The following ARFGEF2 variants were observed in gnomAD, a reference collection of about 807,000 sequenced individuals.
ARFGEF2 encodes the protein brefeldin A-inhibited guanine nucleotide-exchange protein 2.
In ARFGEF2, 74 loss-of-function variants were observed where a neutral mutation model predicts 219.9. The observed-to-expected ratio is 0.34, with a 90% confidence interval of 0.28 to 0.41. The LOEUF (loss-of-function observed/expected upper bound fraction) is 0.41. ARFGEF2 is among the 10% of genes least tolerant of loss of function. The pLI, the probability that ARFGEF2 is intolerant of heterozygous loss-of-function variation, is 1.00. For missense variants in ARFGEF2, 1,743 were observed against 2,218.3 expected (o/e 0.79, Z 4.30); for synonymous variants, 733 against 799.2 (o/e 0.92, Z 1.40).
chr20:49,013,428 GT>G, intron 28 of ARFGEF2, 135 bp from the exon 29 acceptor site: 1 of 1,080,420 alleles, frequency 9.3e-7, no homozygotes, highest in Non-Finnish European at 1.4e-6. Flanking sequence ...TGTGTAGTCT[GT>G]TCCCACTGTA....
chr20:48,989,113 C>T (rs1010939901), intron 18 of ARFGEF2, among the ~76,000 whole-genome samples, 172 bp from the exon 19 acceptor site: 1 of 152,150 alleles, frequency 6.6e-6, no homozygotes, highest in African/African-American at 2.4e-5. Context: ...GACTTACCCC[C>T]TCTGCCTCAT....
chr20:49,006,342 C>T (rs971521332), intron 26 of ARFGEF2, among the ~76,000 whole-genome samples: 1 of 151,992 alleles, frequency 6.6e-6, no homozygotes, highest in Non-Finnish European at 1.5e-5. Context: ...TGTTTTCATT[C>T]AGCCTTAAAT....
Position 48,969,177 on chromosome 20 carries a change from G to C in ARFGEF2, c.1090G>C (p.Ala364Pro). 2 of 1,614,166 alleles carry C rather than the reference G, an allele frequency of 1.2e-6. No homozygotes were observed. The highest frequency in any genetic ancestry group is 1.7e-6 in the Non-Finnish European group (2 of 1,180,016). The change falls in exon 9 of 39, where the codon GCC (alanine) becomes CCC (proline). Residue 364 changes from alanine to proline, a missense_variant. By Grantham distance (27) the Ala-to-Pro change is conservative. Around this residue, in one of 5 missense-constraint regions of ARFGEF2, gnomAD observed 666 missense variants for 955.4 expected, o/e 0.70. Coordinates refer to ENST00000371917, the MANE Select transcript of ARFGEF2 (RefSeq NM_006420.3). ...ESDAQGHQVA[A>P]RFSHVLQKDA... ...GGATGCACAAGGACATCAAGTGGCTGCCAGGTTCTCCCACGTTCTGCAGAA... is the reference window on the plus strand; with the variant it reads ...GGATGCACAAGGACATCAAGTGGCTCCCAGGTTCTCCCACGTTCTGCAGAA...
intron 1 of ARFGEF2, among the ~76,000 whole-genome samples, chr20:48,935,749 A>G (rs1346722135): frequency 7.2e-5 from 10 of 138,670 alleles, no homozygotes; most frequent in South Asian, 2.4e-4. Flanking sequence ...CCTCCCGGAC[A>G]GGGCGGCTGG....
At chr20:48,984,224 G>A (rs1568721054) in intron 14 of ARFGEF2, among the ~76,000 whole-genome samples, 1 of 152,130 alleles carries the variant, frequency 6.6e-6, no homozygotes, top group Non-Finnish European at 1.5e-5. Flanking sequence ...AGAGAGGGTG[G>A]CCTCATGGTA....
intron 14 of ARFGEF2, among the ~76,000 whole-genome samples, chr20:48,983,330 A>G (rs770151857): frequency 6.6e-6 from 1 of 152,156 alleles, no homozygotes; most frequent in Non-Finnish European, 1.5e-5. Context: ...ATACACAATC[A>G]TATATTCCAA....
chr20:48,928,262 G>T (rs1373591633), intron 1 of ARFGEF2, among the ~76,000 whole-genome samples: 1 of 139,796 alleles, frequency 7.2e-6, no homozygotes, highest in South Asian at 2.4e-4. Flanking sequence ...GCAGTGGCGC[G>T]ATCTCGGCTC....
rs540246597 is a variant in ARFGEF2, at chr20:49,028,628, C to T, written c.5023C>T (p.Arg1675Cys). ...ILFRMYVDEN[R>C]RDSWEEIQQR... ...GTTTCGAATGTATGTTGATGAGAAC[C>T]GCAGGGATTCCTGGGAAGAAATACA... The change falls in exon 37 of 39, where the codon CGC (arginine) becomes TGC (cysteine). Residue 1675 changes from arginine to cysteine, a missense_variant. Coordinates refer to ENST00000371917, the MANE Select transcript of ARFGEF2 (RefSeq NM_006420.3). The T allele has an allele frequency of 5.6e-6, 9 of 1,614,058 alleles. No individual in the cohort carries two copies. Among genetic ancestry groups the T allele is most frequent in the East Asian group, 4.5e-5 (2 of 44,882 alleles).
rs1199443037 is a variant in ARFGEF2 at position 48,973,241 on chromosome 20, C to T, written c.1622C>T (p.Ala541Val). The change falls in exon 12 of 39, where the codon GCT becomes GTT. Residue 541 changes from alanine (A) to valine (V), a missense_variant. Physicochemically the swap from Ala to Val is moderately conservative, Grantham distance 64 (BLOSUM62 0). Transcript: ENST00000371917. ...ERLVNDLSKI[A>V]QGRSGHELGM... ...CTTGTAAATGATTTATCCAAAATTGCTCAGGGAAGAAGTGGACATGAGCTG... is the reference window on the plus strand; with the variant it reads ...CTTGTAAATGATTTATCCAAAATTGTTCAGGGAAGAAGTGGACATGAGCTG... 4 of 1,614,112 alleles carry T rather than the reference C, an allele frequency of 2.5e-6. No homozygotes were observed. Among genetic ancestry groups the T allele is most frequent in the South Asian group, 2.2e-5 (2 of 91,086 alleles).
Position 48,988,474 on chromosome 20 carries a change from AT to A in ARFGEF2, c.2362-9del, listed in dbSNP as rs374651419. The A allele has an allele frequency of 5.0e-6, 8 of 1,610,360 alleles. No homozygotes were observed. The highest frequency in any genetic ancestry group is 2.2e-5 in the East Asian group (1 of 44,808). On this transcript the variant is annotated splice_polypyrimidine_tract_variant and intron_variant, in intron 17 of 38. Transcript: ENST00000371917. ...TTGGATGTTTTTTAAATGGTTTTTA[AT>A]TTTTTTTAATTACAGGTAAAAAATA...
At chr20:48,962,429 T>C (rs2091159220) in intron 6 of ARFGEF2, among the ~76,000 whole-genome samples, 1 of 152,128 alleles carries the variant, frequency 6.6e-6, no homozygotes. Context: ...CTATTGTATA[T>C]GTGGTTCCTC....
At chr20:48,948,950 G>GC (rs1185625004) in intron 3 of ARFGEF2, among the ~76,000 whole-genome samples, 2 of 152,336 alleles carry the variant, frequency 1.3e-5, no homozygotes, top group South Asian at 4.1e-4. Context: ...GAGCTTTGGT[G>GC]CACCTCCCTG....
In ARFGEF2 at chr20:49,014,060, C is replaced by T. The variant is rs6063347; in HGVS notation, c.4179+100C>T. 7.6e-5 allele frequency: 114 copies of T among 1,496,676 alleles called. 1 individual carries two copies. The South Asian group carries it at 7.7e-4, about 10-fold the overall frequency. 92.7% of individuals were successfully genotyped at this position (1,496,676 alleles called of 1,614,324 possible). On this transcript the variant is annotated intron_variant, in intron 30 of 38. Coordinates refer to ENST00000371917, the MANE Select transcript of ARFGEF2 (RefSeq NM_006420.3). ...GCTGCATCATCGTCTACCCAGAGTTCTTAAATACTGAGCAACTTAAGGTTT... is the reference window on the plus strand; with the variant it reads ...GCTGCATCATCGTCTACCCAGAGTTTTTAAATACTGAGCAACTTAAGGTTT...
At chr20:49,019,976 C>T (rs1425066105) in intron 34 of ARFGEF2, among the ~76,000 whole-genome samples, 3 of 152,190 alleles carry the variant, frequency 2.0e-5, no homozygotes, top group African/African-American at 7.2e-5. Flanking sequence ...TAACAGCTGT[C>T]ATGTACCAGG....
chr20:48,998,278 G>A, intron 24 of ARFGEF2, 45 bp downstream of exon 24: 1 of 1,614,206 alleles, frequency 6.2e-7, no homozygotes. Context: ...GCCTCACGCT[G>A]TGACCGTCTG....
intron 16 of ARFGEF2, among the ~76,000 whole-genome samples, chr20:48,987,725 T>G (rs1223788686): frequency 6.6e-6 from 1 of 152,200 alleles, no homozygotes; most frequent in Non-Finnish European, 1.5e-5. Flanking sequence ...CCCAGATGCT[T>G]CTTAGAGTCT....
chr20:49,021,908 T>C (rs1368675439), intron 34 of ARFGEF2, among the ~76,000 whole-genome samples: 1 of 138,446 alleles, frequency 7.2e-6, no homozygotes, highest in Non-Finnish European at 1.5e-5. Flanking sequence ...CCCAGCACTT[T>C]GGGCTGAGGC....
At chr20:48,953,495 T>C in intron 5 of ARFGEF2, 61 bp from the exon 6 acceptor site, 1 of 1,522,428 alleles carries the variant, frequency 6.6e-7, no homozygotes, top group Non-Finnish European at 9.1e-7. Flanking sequence ...TTTTAAGTAA[T>C]AGGCTGGCAT....
In ARFGEF2 at chr20:48,921,959, G is replaced by C. The variant is rs368323926; in HGVS notation, c.70G>C (p.Val24Leu). The C allele has an allele frequency of 1.7e-5, 26 of 1,575,114 alleles. No homozygotes were observed. In the African/African-American group the frequency reaches 3.2e-4, roughly 20 times the overall value. ...GGAGAAGATCCTAGCCGACAAGGAGGTGAAGCGGCCCCAGCACTCCCAGCT... is the reference window on the plus strand; with the variant it reads ...GGAGAAGATCCTAGCCGACAAGGAGCTGAAGCGGCCCCAGCACTCCCAGCT... ...ALEKILADKEVKRPQHSQLRR... is the reference protein window; with the variant it reads ...ALEKILADKELKRPQHSQLRR... The change falls in exon 1 of 39, where the codon GTG becomes CTG. Residue 24 changes from valine to leucine, a missense_variant. Val to Leu is a conservative substitution (Grantham distance 32). Around this residue, in one of 5 missense-constraint regions of ARFGEF2, gnomAD observed 394 missense variants for 426.6 expected, o/e 0.92. Transcript: ENST00000371917.
Sources: allele counts gnomAD v4.1 joint callset (sites outside exome capture counted in the v4.1 genomes callset), GRCh38; gene constraint gnomAD v4.1.1; regional missense constraint gnomAD v4.1.1; transcripts MANE v1.5; gene names NCBI Gene and HGNC (gene_info 2026-07-23, HGNC 2026-07-21).